MRAS: variants seen among roughly 807,000 people sequenced by gnomAD.
MRAS encodes muscle RAS oncogene homolog.
MRAS carries 4 observed loss-of-function variants against 20.9 expected under a neutral mutation model. That is an observed-to-expected ratio of 0.19 (90% confidence interval 0.09 to 0.44). MRAS has a LOEUF of 0.44. MRAS is among the 20% of genes least tolerant of loss of function. The pLI, the probability that MRAS is intolerant of heterozygous loss-of-function variation, is 0.99. For missense variants in MRAS, 154 were observed against 277.5 expected (o/e 0.56, Z 3.16); for synonymous variants, 98 against 102.9 (o/e 0.95, Z 0.29).
intron 1 of MRAS, among the ~76,000 whole-genome samples, chr3:138,363,194 C>G (rs1261455973): frequency 6.6e-6 from 1 of 151,960 alleles, no homozygotes; most frequent in African/African-American, 2.4e-5. Flanking sequence ...TCTTGAGTAG[C>G]TGGGATTACA....
intron 3 of MRAS, among the ~76,000 whole-genome samples, chr3:138,398,030 G>A (rs190524990): frequency 6.6e-6 from 1 of 152,336 alleles, no homozygotes; most frequent in Admixed American, 6.5e-5. Context: ...CAATGCTGCG[G>A]TGAGATTGTC....
intron 1 of MRAS, among the ~76,000 whole-genome samples, chr3:138,360,110 C>A (rs1265177712): frequency 1.3e-5 from 2 of 152,208 alleles, no homozygotes; most frequent in Non-Finnish European, 2.9e-5. Flanking sequence ...CTGTACCTAT[C>A]CCCTTCTATC....
chr3:138,401,304 C>T (rs935141343), intron 5 of MRAS, among the ~76,000 whole-genome samples: 4 of 152,140 alleles, frequency 2.6e-5, no homozygotes, highest in African/African-American at 7.2e-5. Flanking sequence ...GAGTTTGTGG[C>T]CTATATGCTG....
At chr3:138,366,932 G>A (rs2054571987) in intron 1 of MRAS, among the ~76,000 whole-genome samples, 1 of 152,242 alleles carries the variant, frequency 6.6e-6, no homozygotes. Context: ...TTTAACATGT[G>A]CTGCTCACTT....
At chr3:138,401,051 G>A (rs1446023437) in intron 5 of MRAS, among the ~76,000 whole-genome samples, 1 of 152,282 alleles carries the variant, frequency 6.6e-6, no homozygotes, top group East Asian at 1.9e-4. Context: ...TCAAATTTCA[G>A]AGGCATTGCA....
intron 2 of MRAS, among the ~76,000 whole-genome samples, chr3:138,381,255 T>C (rs2054897555): frequency 6.6e-6 from 1 of 152,238 alleles, no homozygotes; most frequent in Non-Finnish European, 1.5e-5. Flanking sequence ...TTAGAGTTCT[T>C]GTGTGCCTAT....
intron 1 of MRAS, among the ~76,000 whole-genome samples, chr3:138,359,250 C>T (rs2054396950): frequency 6.6e-6 from 1 of 152,084 alleles, no homozygotes; most frequent in African/African-American, 2.4e-5. Flanking sequence ...GGAAGGGTCC[C>T]TGAGAAGCCG....
intron 2 of MRAS, among the ~76,000 whole-genome samples, chr3:138,379,013 T>C (rs2054843991): frequency 6.6e-6 from 1 of 152,176 alleles, no homozygotes; most frequent in Non-Finnish European, 1.5e-5. Context: ...CCTCAAACAT[T>C]CTTTCTTTGT....
intron 2 of MRAS, among the ~76,000 whole-genome samples, chr3:138,374,684 T>C (rs573974579): frequency 1.3e-5 from 2 of 152,326 alleles, no homozygotes; most frequent in South Asian, 4.1e-4. Context: ...GTTTGGTCTT[T>C]AGCATTAAGT....
At chr3:138,379,673 G>T (rs1305269788) in intron 2 of MRAS, among the ~76,000 whole-genome samples, 1 of 152,094 alleles carries the variant, frequency 6.6e-6, no homozygotes, top group African/African-American at 2.4e-5. Flanking sequence ...CTTTGTTATG[G>T]ATGAATAATA....
At chr3:138,383,016 C>T (rs558418155) in intron 2 of MRAS, among the ~76,000 whole-genome samples, 15 of 152,300 alleles carry the variant, frequency 9.8e-5, no homozygotes, top group Non-Finnish European at 1.8e-4. Flanking sequence ...GACTGGGGCT[C>T]CTCCTCCCTT....
chr3:138,386,006 A>G (rs1378665065), intron 2 of MRAS, among the ~76,000 whole-genome samples: 1 of 152,172 alleles, frequency 6.6e-6, no homozygotes, highest in African/African-American at 2.4e-5. Flanking sequence ...CACCCTAGCG[A>G]GAGGGCAGGT....
At chr3:138,373,727 T>TA (rs2054722147) in intron 2 of MRAS, among the ~76,000 whole-genome samples, 1 of 152,210 alleles carries the variant, frequency 6.6e-6, no homozygotes, top group African/African-American at 2.4e-5. Context: ...GTCTAGGTCC[T>TA]AAGGTATTTC....
chr3:138,397,290 A>T (rs2055257424), intron 2 of MRAS, 34 bp from the exon 3 acceptor site: 6 of 1,609,652 alleles, frequency 3.7e-6, no homozygotes, highest in Non-Finnish European at 5.1e-6. Flanking sequence ...AGGGTAGGTG[A>T]GGACAGCCCC....
chr3:138,358,249 G>A (rs892428404), intron 1 of MRAS, among the ~76,000 whole-genome samples: 2 of 152,036 alleles, frequency 1.3e-5, no homozygotes, highest in Non-Finnish European at 2.9e-5. Flanking sequence ...AGGCAGGAGA[G>A]TCGCTTGAAT....
chr3:138,378,801 T>A (rs939841516), intron 2 of MRAS, among the ~76,000 whole-genome samples: 1 of 152,178 alleles, frequency 6.6e-6, no homozygotes, highest in African/African-American at 2.4e-5. Context: ...TCTACAACCA[T>A]CCCTGCCATT....
intron 1 of MRAS, among the ~76,000 whole-genome samples, chr3:138,371,414 C>T (rs926363706): frequency 3.9e-5 from 6 of 152,126 alleles, no homozygotes; most frequent in Admixed American, 2.6e-4. Flanking sequence ...TAATCCAGCC[C>T]TTTAAACTCA....
intron 1 of MRAS, among the ~76,000 whole-genome samples, chr3:138,359,158 A>C (rs2054395467): frequency 6.6e-6 from 1 of 152,196 alleles, no homozygotes. Context: ...ACTGAGGAGA[A>C]AAAATGCAGC....
In MRAS at chr3:138,374,998, C is replaced by T. The variant is rs547715215; in HGVS notation, c.193+1922C>T. ...CTGGGCTCAAGAGATCTTCTTGCCT[C>T]AGCTTCCCCAGTAGCTAGGACTGTA... On this transcript the variant is annotated intron_variant, in intron 2 of 5. Transcript: ENST00000423968. 2.0e-5 allele frequency among the ~76,000 whole-genome samples: 3 copies of T among 152,276 alleles called. No homozygotes were observed. In the South Asian group the frequency reaches 6.2e-4, roughly 32 times the overall value.
Sources: allele counts gnomAD v4.1 joint callset (sites outside exome capture counted in the v4.1 genomes callset), GRCh38; gene constraint gnomAD v4.1.1; transcripts MANE v1.5; gene names NCBI Gene and HGNC (gene_info 2026-07-23, HGNC 2026-07-21).